VPS13B: variants seen among roughly 807,000 people sequenced by gnomAD.
The protein encoded by VPS13B is vacuolar protein sorting 13 homolog B, also known as intermembrane lipid transfer protein VPS13B.
VPS13B carries 285 observed loss-of-function variants against 426.4 expected under a neutral mutation model. The ratio of observed to expected loss-of-function variants is 0.67; its 90% CI spans 0.61 to 0.74. The LOEUF (loss-of-function observed/expected upper bound fraction) is 0.74. Ranked by LOEUF, VPS13B falls within the 30% of genes least tolerant of loss-of-function variation. The pLI, the probability that VPS13B is intolerant of heterozygous loss-of-function variation, is 0.00. For missense variants in VPS13B, 4,537 were observed against 4,782.6 expected, an observed-to-expected ratio of 0.95 and a Z score of 1.51; for synonymous variants, 1,676 against 1,676.4, an observed-to-expected ratio of 1.00 and a Z score of 0.01.
chr8:99,352,890 A>G (rs1483720623), intron 19 of VPS13B, among the ~76,000 whole-genome samples: 1 of 152,124 alleles, frequency 6.6e-6, no homozygotes, highest in Non-Finnish European at 1.5e-5. Flanking sequence ...AATTGTAAAA[A>G]TTGTATGCAA....
At chr8:99,313,589 C>T (rs1821134906) in intron 19 of VPS13B, among the ~76,000 whole-genome samples, 1 of 152,130 alleles carries the variant, frequency 6.6e-6, no homozygotes, top group Non-Finnish European at 1.5e-5. Flanking sequence ...CTGGAGGGTG[C>T]CTCCCAGTTA....
At chr8:99,360,480 T>C (rs990754641) in intron 19 of VPS13B, among the ~76,000 whole-genome samples, 2 of 151,708 alleles carry the variant, frequency 1.3e-5, no homozygotes, top group Non-Finnish European at 2.9e-5. Context: ...GGTTTCACCA[T>C]GTTAGCCAGT....
chr8:99,596,290 A>T (rs1036996819), intron 33 of VPS13B, among the ~76,000 whole-genome samples: 2 of 152,000 alleles, frequency 1.3e-5, no homozygotes, highest in East Asian at 3.9e-4. Context: ...TTAAAGACAG[A>T]TACATACGCT....
chr8:99,026,024 T>C (rs1000335385), intron 2 of VPS13B, among the ~76,000 whole-genome samples: 1 of 152,160 alleles, frequency 6.6e-6, no homozygotes, highest in Non-Finnish European at 1.5e-5. Flanking sequence ...ATCCTCATAA[T>C]ATCTTTCCTT....
chr8:99,748,900 G>C (rs1463321084), intron 39 of VPS13B, among the ~76,000 whole-genome samples: 2 of 152,056 alleles, frequency 1.3e-5, no homozygotes, highest in Non-Finnish European at 2.9e-5. Flanking sequence ...CACAGAACTT[G>C]CTCAATAACG....
chr8:99,646,501 G>C (rs1189858106), intron 34 of VPS13B, among the ~76,000 whole-genome samples: 1 of 152,146 alleles, frequency 6.6e-6, no homozygotes, highest in Non-Finnish European at 1.5e-5. Flanking sequence ...CTGCAGCCTG[G>C]ATGACAGATT....
chr8:99,326,518 T>C (rs922848900), intron 19 of VPS13B, among the ~76,000 whole-genome samples: 3 of 133,128 alleles, frequency 2.3e-5, no homozygotes, highest in African/African-American at 8.4e-5. Context: ...AGTGGCACAA[T>C]CTCAGCTCAC....
At position 99,848,785 on chromosome 8, in the gene VPS13B, C is replaced by T. The variant is rs1237532697; in HGVS notation, c.9952C>T (p.Leu3318=). The T allele has an allele frequency of 6.2e-7, 1 of 1,613,870 alleles. No individual in the cohort carries two copies. The highest frequency in any genetic ancestry group is 8.5e-7 in the Non-Finnish European group (1 of 1,179,958). The change falls in exon 55 of 62, where the codon CTG becomes TTG. Residue 3318 remains leucine, a synonymous_variant. Coordinates refer to ENST00000357162, the MANE Select transcript of VPS13B (RefSeq NM_152564.5). The part of the protein sequence containing the change: ...INSQGTQVVF[L]TGFGYVYVDV... ...AATATTCTTTCTGCAGGTTGTGTTC[C>T]TGACTGGCTTTGGCTATGTGTATGT...
chr8:99,220,934 C>T (rs1815678265), intron 17 of VPS13B, among the ~76,000 whole-genome samples: 1 of 91,774 alleles, frequency 1.1e-5, no homozygotes, highest in Non-Finnish European at 2.2e-5. Flanking sequence ...GCTATCCCTC[C>T]CCCCTCCCCC....
rs144981652 is a variant in VPS13B, at chr8:99,855,354, C to A, written c.10867+1098C>A. Reference sequence around the variant, plus strand: ...CTATGATCACATCACTACACTCCAGCCGGGGTGACAGAGCAAGACCTTGTC... The same window carrying A: ...CTATGATCACATCACTACACTCCAGACGGGGTGACAGAGCAAGACCTTGTC... On this transcript the variant is annotated intron_variant, in intron 56 of 61. Transcript: ENST00000357162. Among the ~76,000 whole-genome samples, 8 of 152,274 alleles carry A rather than the reference C, an allele frequency of 5.3e-5. No homozygotes were observed. The East Asian group carries it at 1.4e-3, about 26-fold the overall frequency.
intron 19 of VPS13B, among the ~76,000 whole-genome samples, chr8:99,356,676 AT>A (rs918256556): frequency 1.1e-4 from 16 of 150,876 alleles, no homozygotes; most frequent in African/African-American, 2.4e-4. Context: ...TATCTTTACC[AT>A]TTTTTTTTGA....
chr8:99,481,221 G>A (rs1387582382), intron 24 of VPS13B, among the ~76,000 whole-genome samples: 1 of 152,170 alleles, frequency 6.6e-6, no homozygotes, highest in East Asian at 1.9e-4. Context: ...AATTAAGATG[G>A]TAGTTATTTC....
chr8:99,391,513 G>C (rs1187362128), intron 20 of VPS13B, 44 bp from the exon 21 acceptor site: 2 of 1,613,594 alleles, frequency 1.2e-6, no homozygotes, highest in South Asian at 2.2e-5. Flanking sequence ...AAGAAATAGT[G>C]AAAAACTAAA....
At chr8:99,335,225 G>A (rs1312182711) in intron 19 of VPS13B, among the ~76,000 whole-genome samples, 3 of 151,956 alleles carry the variant, frequency 2.0e-5, no homozygotes, top group African/African-American at 7.2e-5. Flanking sequence ...ATATTTTATT[G>A]CGTCTATTTG....
chr8:99,302,128 CATT>C (rs1820400057), intron 19 of VPS13B, among the ~76,000 whole-genome samples: 1 of 152,118 alleles, frequency 6.6e-6, no homozygotes, highest in Non-Finnish European at 1.5e-5. Context: ...GTTCTGAAGT[CATT>C]ATTCTAGGGT....
intron 33 of VPS13B, among the ~76,000 whole-genome samples, chr8:99,629,882 A>G (rs1277510790): frequency 6.6e-6 from 1 of 152,188 alleles, no homozygotes; most frequent in African/African-American, 2.4e-5. Context: ...TGCTACCTGC[A>G]GTCTCTAGTC....
chr8:99,174,041 G>A (rs1812498700), intron 16 of VPS13B, among the ~76,000 whole-genome samples: 1 of 152,050 alleles, frequency 6.6e-6, no homozygotes, highest in African/African-American at 2.4e-5. Context: ...ACTATTCTAG[G>A]TACCTCACTG....
At chr8:99,603,851 A>G (rs1290821567) in intron 33 of VPS13B, among the ~76,000 whole-genome samples, 1 of 152,224 alleles carries the variant, frequency 6.6e-6, no homozygotes, top group African/African-American at 2.4e-5. Context: ...TCCTCTGTGA[A>G]CTAAGATGTA....
intron 34 of VPS13B, among the ~76,000 whole-genome samples, chr8:99,659,661 C>CT (rs1360799794): frequency 1.3e-5 from 2 of 152,184 alleles, no homozygotes; most frequent in Non-Finnish European, 2.9e-5. Flanking sequence ...TGCAGTTACT[C>CT]TAACTTGTTT....
Sources: allele counts gnomAD v4.1 joint callset (sites outside exome capture counted in the v4.1 genomes callset), GRCh38; gene constraint gnomAD v4.1.1; transcripts MANE v1.5; gene names NCBI Gene and HGNC (gene_info 2026-07-23, HGNC 2026-07-21).